The following CSMD3 variants were observed in gnomAD, a reference collection of about 807,000 sequenced individuals.
CSMD3 encodes CUB and Sushi multiple domains 3, also known as CUB and sushi domain-containing protein 3.
In CSMD3, 177 loss-of-function variants were observed where a neutral mutation model predicts 435.2. That is an observed-to-expected ratio of 0.41 (90% CI 0.36 to 0.46). The LOEUF (loss-of-function observed/expected upper bound fraction) is 0.46. Among genes scored for constraint, CSMD3 ranks in the 20% least tolerant of loss-of-function variants. CSMD3 has a pLI of 0.34. For synonymous variants in CSMD3, 1,656 were observed against 1,520.5 expected (o/e 1.09, Z -2.07); for missense variants, 4,265 against 4,504.6 (o/e 0.95, Z 1.52).
chr8:112,614,129 A>G (rs146412472), intron 22 of CSMD3, among the ~76,000 whole-genome samples: 16 of 152,232 alleles, frequency 1.1e-4, no homozygotes, highest in African/African-American at 3.6e-4. Flanking sequence ...AACTATGAAG[A>G]TATTTGGGAA....
At chr8:113,409,703 C>A (rs2094549480) in intron 1 of CSMD3, among the ~76,000 whole-genome samples, 1 of 152,088 alleles carries the variant, frequency 6.6e-6, no homozygotes, top group Non-Finnish European at 1.5e-5. Context: ...GTTACTTAAG[C>A]CATTTGGTCA....
chr8:112,800,716 A>G (rs1391231788), intron 12 of CSMD3, among the ~76,000 whole-genome samples: 1 of 152,014 alleles, frequency 6.6e-6, no homozygotes, highest in Non-Finnish European at 1.5e-5. Flanking sequence ...GTATAACCGA[A>G]CCCTTTGCAA....
At chr8:113,250,024 CAAAT>C (rs963908483) in intron 3 of CSMD3, among the ~76,000 whole-genome samples, 3 of 151,920 alleles carry the variant, frequency 2.0e-5, no homozygotes, top group African/African-American at 7.2e-5. Flanking sequence ...AATAAATAAA[CAAAT>C]AAATACAACA....
At chr8:112,694,527 A>G (rs1480110030) in intron 13 of CSMD3, among the ~76,000 whole-genome samples, 4 of 152,082 alleles carry the variant, frequency 2.6e-5, no homozygotes, top group African/African-American at 9.7e-5. Flanking sequence ...TCTTTGCTCC[A>G]TTAATACAAC....
chr8:113,116,342 C>T (rs1017727592), intron 4 of CSMD3, among the ~76,000 whole-genome samples: 7 of 152,196 alleles, frequency 4.6e-5, no homozygotes, highest in Non-Finnish European at 7.4e-5. Flanking sequence ...TTTATGCCTT[C>T]GCTCGATTCT....
At chr8:113,093,868 T>C (rs2090082753) in intron 5 of CSMD3, among the ~76,000 whole-genome samples, 1 of 152,174 alleles carries the variant, frequency 6.6e-6, no homozygotes, top group Non-Finnish European at 1.5e-5. Flanking sequence ...AGATTTTCTA[T>C]GTTATATAAC....
intron 13 of CSMD3, among the ~76,000 whole-genome samples, chr8:112,742,532 A>T (rs529610669): frequency 2.0e-5 from 3 of 152,058 alleles, no homozygotes; most frequent in East Asian, 1.9e-4. Context: ...ACTGTATTTT[A>T]AAAAAATACA....
chr8:112,331,338 G>A, intron 45 of CSMD3, among the ~76,000 whole-genome samples: 1 of 151,902 alleles, frequency 6.6e-6, no homozygotes, highest in East Asian at 1.9e-4. Flanking sequence ...AACACAAAGA[G>A]ATACAAAAAC....
rs2130932428 is a variant in CSMD3, at chr8:112,975,914, G to A, written c.1265C>T (p.Thr422Ile). Residue 422 changes from threonine to isoleucine, a missense_variant, in exon 7 of 71, where the codon ACA becomes ATA. Physicochemically the swap from Thr to Ile is moderately conservative, Grantham distance 89. This residue lies in a region of CSMD3 where 731 missense variants were observed against 755.4 expected (regional missense o/e 0.97). Transcript: ENST00000297405. Reference sequence around the variant, plus strand: ...TCTTGGTCTTCTCCTGGTACTTTGTGTATCTGCTGGATGAGGAGAGAGCCC... The same window carrying A: ...TCTTGGTCTTCTCCTGGTACTTTGTATATCTGCTGGATGAGGAGAGAGCCC... ...KDGLSPHPADTQSTRRRPRHA... is the reference protein window; with the variant it reads ...KDGLSPHPADIQSTRRRPRHA... 5.0e-6 allele frequency: 8 copies of A among 1,614,020 alleles called. No individual in the cohort carries two copies. The highest frequency in any genetic ancestry group is 5.9e-6 in the Non-Finnish European group (7 of 1,179,934).
At chr8:113,079,821 T>C (rs374207592) in intron 5 of CSMD3, among the ~76,000 whole-genome samples, 14 of 152,344 alleles carry the variant, frequency 9.2e-5, no homozygotes, top group Admixed American at 4.6e-4. Flanking sequence ...TCTTGATTAC[T>C]TGAAATAAGA....
At chr8:113,056,153 T>C (rs2088327987) in intron 5 of CSMD3, among the ~76,000 whole-genome samples, 1 of 152,204 alleles carries the variant, frequency 6.6e-6, no homozygotes, top group Non-Finnish European at 1.5e-5. Context: ...TGATTTCTTG[T>C]GTCTTAAATC....
intron 22 of CSMD3, among the ~76,000 whole-genome samples, chr8:112,598,176 G>C (rs1162743964): frequency 1.5e-5 from 2 of 136,374 alleles, no homozygotes; most frequent in Admixed American, 7.4e-5. Context: ...AAAGTCTCAG[G>C]ATACAAAAAC....
At chr8:113,125,907 A>T (rs948147563) in intron 4 of CSMD3, among the ~76,000 whole-genome samples, 2 of 151,926 alleles carry the variant, frequency 1.3e-5, no homozygotes, top group African/African-American at 2.4e-5. Context: ...GAGTGGAGTG[A>T]GATAGATCAA....
At chr8:112,640,644 G>C (rs1397306929) in intron 20 of CSMD3, among the ~76,000 whole-genome samples, 13 of 151,616 alleles carry the variant, frequency 8.6e-5, no homozygotes, top group Non-Finnish European at 1.9e-4. Context: ...AGCCCTTTTA[G>C]AGGGGGTCTA....
At chr8:113,264,396 A>G (rs2093451127) in intron 3 of CSMD3, among the ~76,000 whole-genome samples, 3 of 134,844 alleles carry the variant, frequency 2.2e-5, no homozygotes, top group Admixed American at 7.0e-5. Context: ...ACATTCAACT[A>G]TATTTATATA....
chr8:113,021,457 A>C (rs947616152), intron 5 of CSMD3, among the ~76,000 whole-genome samples: 1 of 152,140 alleles, frequency 6.6e-6, no homozygotes, highest in South Asian at 2.1e-4. Context: ...CGTTAGGGAA[A>C]GTTTAAATTA....
At chr8:112,511,384 C>CTTTTTTTTTT (rs34548150) in intron 28 of CSMD3, among the ~76,000 whole-genome samples, 7 of 72,402 alleles carry the variant, frequency 9.7e-5, no homozygotes, top group African/African-American at 1.8e-4. Context: ...ATTTTCTTTT[C>CTTTTTTTTTT]TTTTTTTTTT....
intron 42 of CSMD3, 64 bp downstream of exon 42, chr8:112,341,413 G>C (rs2130989568): frequency 1.9e-6 from 2 of 1,074,742 alleles, no homozygotes; most frequent in Non-Finnish European, 1.4e-6. Flanking sequence ...ATTAGACTCA[G>C]TTAAATATTT....
intron 24 of CSMD3, among the ~76,000 whole-genome samples, chr8:112,573,195 T>C (rs138328465): frequency 7.9e-4 from 120 of 152,238 alleles, no homozygotes; most frequent in African/African-American, 2.7e-3. Context: ...AAAAGTTTCA[T>C]TGTATTTCTT....
Sources: gnomAD v4.1 joint callset for allele counts (sites outside exome capture counted in the v4.1 genomes callset) on GRCh38, gnomAD v4.1.1 for gene constraint, gnomAD v4.1.1 regional missense constraint, MANE v1.5 for transcripts, NCBI Gene and HGNC (gene_info 2026-07-23, HGNC 2026-07-21) for gene names.